Variants in GALNT18 observed in about 807,000 individuals in gnomAD.
GALNT18 encodes GalNAc-transferase 18.
A neutral mutation model predicts 69.5 loss-of-function variants in GALNT18; 44 were observed. That is an observed-to-expected ratio of 0.63 (90% CI 0.50 to 0.81). The LOEUF is 0.81. Among genes scored for constraint, GALNT18 ranks in the 40% least tolerant of loss-of-function variants. The pLI is 0.00. For missense variants in GALNT18, 715 were observed against 810.0 expected (o/e 0.88, Z 1.42); for synonymous variants, 364 against 318.2 (o/e 1.14, Z -1.53).
intron 5 of GALNT18, among the ~76,000 whole-genome samples, chr11:11,376,937 G>T (rs1028746571): frequency 6.6e-6 from 1 of 152,198 alleles, no homozygotes; most frequent in Non-Finnish European, 1.5e-5. Context: ...GGAGCACAGT[G>T]GTTGGCGCCC....
rs1318833104 is a variant in GALNT18, at chr11:11,435,970, G to A, written c.429-3183C>T. On this transcript the variant is annotated intron_variant, in intron 2 of 10. Transcript: ENST00000227756. The surrounding 1 kb of genome is among the most constrained non-coding windows in gnomAD (Gnocchi z 4.4). Reference sequence around the variant, plus strand: ...TCTCTTCTCTCCTGGGACTGCTGGGGCCTCCTGGCGACAGCCATGCTGCCG... The same window carrying A: ...TCTCTTCTCTCCTGGGACTGCTGGGACCTCCTGGCGACAGCCATGCTGCCG... Among the ~76,000 whole-genome samples the A allele has an allele frequency of 1.3e-5, 2 of 152,196 alleles. No homozygotes were observed. Among genetic ancestry groups the A allele is most frequent in the African/African-American group, 4.8e-5 (2 of 41,458 alleles).
intron 10 of GALNT18, among the ~76,000 whole-genome samples, chr11:11,291,008 T>C (rs957938159): frequency 2.3e-4 from 35 of 152,324 alleles, no homozygotes; most frequent in African/African-American, 8.4e-4. Flanking sequence ...CATCCTTCAC[T>C]GGGCATATAC....
chr11:11,440,759 A>T (rs1452034840), intron 2 of GALNT18, among the ~76,000 whole-genome samples: 1 of 152,156 alleles, frequency 6.6e-6, no homozygotes, highest in Non-Finnish European at 1.5e-5. Context: ...CTTTTTTACA[A>T]ATCAGAGACC....
rs578243752 is a variant in GALNT18 at position 11,428,746 on chromosome 11, A to C, written c.595+3875T>G. 4.3e-4 allele frequency among the ~76,000 whole-genome samples: 66 copies of C among 152,338 alleles called. No homozygotes were observed. In the South Asian group the frequency reaches 0.011, roughly 26 times the overall value. On this transcript the variant is annotated intron_variant, in intron 3 of 10. Transcript: ENST00000227756. The stretch of plus-strand genomic sequence containing the variant: ...TCTAATATGCACTCAGGGTCTCAAG[A>C]ACAACCTACCTTTAAGAAAAGAGAA...
intron 2 of GALNT18, among the ~76,000 whole-genome samples, chr11:11,442,159 G>A (rs1478185501): frequency 6.6e-6 from 1 of 152,132 alleles, no homozygotes; most frequent in African/African-American, 2.4e-5. Context: ...GGCTGCTCAC[G>A]TTCCTTCCCT....
chr11:11,593,048 T>G (rs892461614), intron 1 of GALNT18, among the ~76,000 whole-genome samples: 20 of 152,190 alleles, frequency 1.3e-4, no homozygotes, highest in African/African-American at 4.3e-4. Flanking sequence ...CCTGAGTAGC[T>G]GGGACTACAG....
intron 1 of GALNT18, among the ~76,000 whole-genome samples, chr11:11,520,436 A>G (rs989324110): frequency 6.6e-6 from 1 of 152,214 alleles, no homozygotes; most frequent in African/African-American, 2.4e-5. Context: ...CCTGGGAAGC[A>G]GCCTGCTTCC....
chr11:11,284,942 C>T (rs544514587), intron 10 of GALNT18, among the ~76,000 whole-genome samples: 18 of 85,624 alleles, frequency 2.1e-4, no homozygotes, highest in South Asian at 1.9e-3. Flanking sequence ...ACTACTTGGG[C>T]GTTCTCTTTC....
intron 1 of GALNT18, among the ~76,000 whole-genome samples, chr11:11,581,601 G>T (rs1312352903): frequency 6.6e-6 from 1 of 151,532 alleles, no homozygotes; most frequent in Non-Finnish European, 1.5e-5. Flanking sequence ...CACTCACAGA[G>T]CAGGGCTCCT....
chr11:11,280,228 G>A (rs1220493738), intron 10 of GALNT18, among the ~76,000 whole-genome samples: 1 of 152,154 alleles, frequency 6.6e-6, no homozygotes, highest in Admixed American at 6.5e-5. Context: ...AGCAGCTGCT[G>A]GGGCCCACTG....
At chr11:11,506,972 C>A (rs556509338) in intron 1 of GALNT18, among the ~76,000 whole-genome samples, 2 of 152,328 alleles carry the variant, frequency 1.3e-5, no homozygotes, top group South Asian at 4.1e-4. Flanking sequence ...CAAAACCCTT[C>A]AGGGTCGCTC....
At chr11:11,304,868 G>T (rs1282360302) in intron 9 of GALNT18, among the ~76,000 whole-genome samples, 2 of 152,202 alleles carry the variant, frequency 1.3e-5, no homozygotes, top group East Asian at 1.9e-4. Context: ...GAAAGGAGCT[G>T]CCCCTTTGGC....
In GALNT18 at chr11:11,315,999, C is replaced by A. The variant is rs147344212; in HGVS notation, c.1512+11087G>T. 1.3e-5 allele frequency among the ~76,000 whole-genome samples: 2 copies of A among 152,126 alleles called. No individual in the cohort carries two copies. Among genetic ancestry groups the A allele is most frequent in the Non-Finnish European group, 2.9e-5 (2 of 68,036 alleles). ...ATGAATGGTGGCCCCTGGAACCGTG[C>A]GAGGTGACAGCTCAGAGGACAATAA... is the stretch of plus-strand genomic sequence containing the variant. On this transcript the variant is annotated intron_variant, in intron 9 of 10. Coordinates refer to ENST00000227756, the MANE Select transcript of GALNT18 (RefSeq NM_198516.3). The surrounding 1 kb of genome is among the most constrained non-coding windows in gnomAD (Gnocchi z 5.6).
chr11:11,401,000 G>A (rs58589327), intron 3 of GALNT18, among the ~76,000 whole-genome samples: 17 of 152,048 alleles, frequency 1.1e-4, no homozygotes, highest in Non-Finnish European at 1.8e-4. Context: ...AGGGTCGGCC[G>A]GGGCAGGAAC....
At chr11:11,610,368 C>T (rs1859864421) in intron 1 of GALNT18, among the ~76,000 whole-genome samples, 1 of 152,186 alleles carries the variant, frequency 6.6e-6, no homozygotes, top group South Asian at 2.1e-4. Flanking sequence ...ATTTCTTCAT[C>T]TGTGAAATGG....
chr11:11,494,216 C>T lies in GALNT18; in HGVS notation c.236-45280G>A, dbSNP rs1354321522. Reference sequence around the variant, plus strand: ...TACAGTCCCAGGAGTAGGAGCTAAACACAGGAGGATGAATTCAAGTCTCCA... The same window carrying T: ...TACAGTCCCAGGAGTAGGAGCTAAATACAGGAGGATGAATTCAAGTCTCCA... On this transcript the variant is annotated intron_variant, in intron 1 of 10. Transcript: ENST00000227756. The surrounding 1 kb of genome is among the most constrained non-coding windows in gnomAD (Gnocchi z 5.7). Among the ~76,000 whole-genome samples the T allele has an allele frequency of 3.3e-5, 5 of 152,120 alleles. No individual in the cohort carries two copies. The highest frequency in any genetic ancestry group is 1.2e-4 in the African/African-American group (5 of 41,408).
intron 2 of GALNT18, among the ~76,000 whole-genome samples, chr11:11,440,243 G>A (rs1855505728): frequency 6.6e-6 from 1 of 152,198 alleles, no homozygotes; most frequent in African/African-American, 2.4e-5. Flanking sequence ...CAACCAACAG[G>A]AAGCAGGGAT....
At chr11:11,310,635 A>C (rs2133028696) in intron 9 of GALNT18, among the ~76,000 whole-genome samples, 1 of 152,304 alleles carries the variant, frequency 6.6e-6, no homozygotes, top group African/African-American at 2.4e-5. Context: ...TGAGCAAGAA[A>C]AAAACTAAAG....
intron 1 of GALNT18, among the ~76,000 whole-genome samples, chr11:11,488,472 G>C (rs1422539560): frequency 6.6e-6 from 1 of 152,010 alleles, no homozygotes. Context: ...AAGGTCAGCT[G>C]ATTAGCAAAC....
Sources: gnomAD v4.1 joint callset for allele counts (sites outside exome capture counted in the v4.1 genomes callset) on GRCh38, gnomAD v4.1.1 for gene constraint, Gnocchi (gnomAD v3.1) non-coding constraint, MANE v1.5 for transcripts, NCBI Gene and HGNC (gene_info 2026-07-23, HGNC 2026-07-21) for gene names.